IFT172: variants seen among roughly 807,000 people sequenced by gnomAD.
IFT172 encodes intraflagellar transport protein 172 homolog.
In IFT172, 164 loss-of-function variants were observed where a neutral mutation model predicts 248.9. The observed-to-expected ratio is 0.66, with a 90% CI of 0.58 to 0.75. The LOEUF (loss-of-function observed/expected upper bound fraction) is 0.75. Among genes scored for constraint, IFT172 ranks in the 30% least tolerant of loss-of-function variants. IFT172 has a pLI of 0.00. For missense variants in IFT172, 1,950 were observed against 2,192.4 expected (o/e 0.89, Z 2.21); for synonymous variants, 729 against 791.6 (o/e 0.92, Z 1.33).
In IFT172 at chr2:27,461,479, G is replaced by A. The variant is rs893514362; in HGVS notation, c.2232C>T (p.Tyr744=). 6.2e-6 allele frequency: 10 copies of A among 1,614,086 alleles called. No homozygotes were observed. The highest frequency in any genetic ancestry group is 8.5e-6 in the Non-Finnish European group (10 of 1,179,984). The change falls in exon 22 of 48, where the codon TAC becomes TAT. Residue 744 remains tyrosine, a synonymous_variant. Coordinates refer to ENST00000260570, the MANE Select transcript of IFT172 (RefSeq NM_015662.3). ...PALEKLRRSY[Y]QWLMDTQQEE... is the part of the protein sequence containing the mutation. ...CTTGCTGTGTGTCCATCAGCCACTG[G>A]TAGTAACTACGACGTAGCTTCTCCA...
In IFT172 at chr2:27,477,133, T is replaced by C. The variant is rs866987972; in HGVS notation, c.1325+84A>G. On this transcript the variant is annotated intron_variant, in intron 13 of 47. Coordinates refer to ENST00000260570, the MANE Select transcript of IFT172 (RefSeq NM_015662.3). ...AGCCACCACACCTGGCTGAAGCTTT[T>C]GGATTAACTGGAGGACACAGAATTT... 17 of 1,245,388 alleles carry C rather than the reference T, an allele frequency of 1.4e-5. No homozygotes were observed. In the African/African-American group the frequency reaches 2.4e-4, roughly 17 times the overall value. The allele number at this position is 1,245,388 out of a possible 1,614,324, so 77.1% of individuals were successfully genotyped here. A position where few individuals can be genotyped will look rare whatever the true frequency, so the allele number is the denominator to read the frequency against.
chr2:27,487,741 C>T (rs908669641), intron 1 of IFT172, among the ~76,000 whole-genome samples: 4 of 151,734 alleles, frequency 2.6e-5, no homozygotes, highest in South Asian at 4.2e-4. Context: ...TACAGGCATG[C>T]GCCACCACAT....
intron 47 of IFT172, 72 bp downstream of exon 47, chr2:27,444,942 C>T: frequency 1.8e-5 from 27 of 1,539,136 alleles, no homozygotes; most frequent in Non-Finnish European, 2.3e-5. Context: ...AGCCACTGCA[C>T]CCAGACTTGT....
chr2:27,487,949 G>C (rs149464974), intron 1 of IFT172, among the ~76,000 whole-genome samples: 1 of 151,108 alleles, frequency 6.6e-6, no homozygotes, highest in African/African-American at 2.4e-5. Context: ...TCTTTATTAA[G>C]GTACCCCAGT....
At chr2:27,481,406 C>T (rs1412878999) in intron 7 of IFT172, 146 bp from the exon 8 acceptor site, 1 of 628,186 alleles carries the variant, frequency 1.6e-6, no homozygotes, top group African/African-American at 1.8e-5. Flanking sequence ...CATCCTAATC[C>T]TGAACTCTTC....
At chr2:27,479,739 GA>G (rs1357626035) in intron 9 of IFT172, 135 bp from the exon 10 acceptor site, 1 of 730,354 alleles carries the variant, frequency 1.4e-6, no homozygotes, top group Non-Finnish European at 2.3e-6. Context: ...GCAGTTTTTG[GA>G]ATTACCAAAA....
Position 27,445,938 on chromosome 2 carries a change from G to T in IFT172, c.4806C>A (p.Asp1602Glu). Residue 1602 changes from aspartate to glutamate, a missense_variant, in exon 44 of 48, where the codon GAC becomes GAA. Physicochemically the swap from Asp to Glu is conservative, Grantham distance 45. This residue lies in a region of IFT172 where 620 missense variants were observed against 699.0 expected (regional missense o/e 0.89). Coordinates refer to ENST00000260570, the MANE Select transcript of IFT172 (RefSeq NM_015662.3). This position sits in a 1 kb window ranked among gnomAD's most constrained non-coding sequence, Gnocchi z 4.4. ...CAGCTTCCCTACTCACATCGGTCAGGTCCAAAAAGCGATTGAGGAAGATGA... is the reference window on the plus strand; with the variant it reads ...CAGCTTCCCTACTCACATCGGTCAGTTCCAAAAAGCGATTGAGGAAGATGA... ...MAFIFLNRFL[D>E]LTDAIEEGTL... 6.2e-7 allele frequency: 1 copy of T among 1,614,220 alleles called. No individual in the cohort carries two copies. Among genetic ancestry groups the T allele is most frequent in the Non-Finnish European group, 8.5e-7 (1 of 1,180,048 alleles).
Position 27,465,450 on chromosome 2 carries a change from T to C in IFT172, c.1898A>G (p.Lys633Arg). Residue 633 changes from lysine to arginine, a missense_variant, in exon 18 of 48, where the codon AAA becomes AGA. Transcript: ENST00000260570. ...TAGTTGCCTTGCCTCTAGTGCCAGTTTACTCAAGGTTTTCCACATTGCCTC... is the reference window on the plus strand; with the variant it reads ...TAGTTGCCTTGCCTCTAGTGCCAGTCTACTCAAGGTTTTCCACATTGCCTC... ...ETEAMWKTLSKLALEARQLHI... is the reference protein window; with the variant it reads ...ETEAMWKTLSRLALEARQLHI... The C allele has an allele frequency of 6.2e-7, 1 of 1,614,170 alleles. No individual in the cohort carries two copies. The highest frequency in any genetic ancestry group is 8.5e-7 in the Non-Finnish European group (1 of 1,180,030).
chr2:27,461,593 T>G, intron 21 of IFT172, 76 bp from the exon 22 acceptor site: 1 of 1,560,016 alleles, frequency 6.4e-7, no homozygotes, highest in Non-Finnish European at 8.8e-7. Flanking sequence ...CTCCAATCCC[T>G]CTATAACAAG....
rs1436642986 is a variant in IFT172 at position 27,458,111 on chromosome 2, G to A, written c.2975+15C>T. 6.2e-7 allele frequency: 1 copy of A among 1,613,214 alleles called. No homozygotes were observed. Among genetic ancestry groups the A allele is most frequent in the Non-Finnish European group, 8.5e-7 (1 of 1,179,366 alleles). On this transcript the variant is annotated intron_variant, in intron 27 of 47. Transcript: ENST00000260570. The stretch of plus-strand genomic sequence containing the variant: ...TCTCATCTCCCTCTACACCTCCTCT[G>A]GGGCCACGGCTCACCTTTCAGCCTC...
chr2:27,459,985 G>A (rs1666522938), intron 23 of IFT172, among the ~76,000 whole-genome samples, 156 bp from the exon 24 acceptor site: 1 of 152,160 alleles, frequency 6.6e-6, no homozygotes, highest in South Asian at 2.1e-4. Context: ...GAGGTGTGGG[G>A]AAAAGCAAGA....
chr2:27,457,982 G>A lies in IFT172; in HGVS notation c.2976-6C>T, dbSNP rs1666303569. 2 of 1,614,056 alleles carry A rather than the reference G, an allele frequency of 1.2e-6. No individual in the cohort carries two copies. Among genetic ancestry groups the A allele is most frequent in the Non-Finnish European group, 1.7e-6 (2 of 1,180,040 alleles). On this transcript the variant is annotated splice_polypyrimidine_tract_variant and splice_region_variant and intron_variant, in intron 27 of 47. Transcript: ENST00000260570. ...CTTGTACTGTCACATATAGCCTGGG[G>A]AAGGAGATACATCTGGGGCCTCCTA...
In IFT172 at chr2:27,459,893, G is replaced by A. The variant is rs1572758006; in HGVS notation, c.2522-64C>T. ...GGGATGGGCCTCAGGAAAAAGGTAGGACAGGGAGATGAAGCATGGAGAATA... is the reference window on the plus strand; with the variant it reads ...GGGATGGGCCTCAGGAAAAAGGTAGAACAGGGAGATGAAGCATGGAGAATA... On this transcript the variant is annotated intron_variant, in intron 23 of 47. Transcript: ENST00000260570. 18 of 1,593,168 alleles carry A rather than the reference G, an allele frequency of 1.1e-5. No individual in the cohort carries two copies. In the South Asian group the frequency reaches 2.0e-4, roughly 18 times the overall value.
At position 27,485,431 on chromosome 2, in the gene IFT172, G is replaced by C. The variant is rs139021548; in HGVS notation, c.112C>G (p.Arg38Gly). 6 of 1,614,076 alleles carry C rather than the reference G, an allele frequency of 3.7e-6. No individual in the cohort carries two copies. The highest frequency in any genetic ancestry group is 3.3e-5 in the Admixed American group (2 of 60,014). Reference sequence around the variant, plus strand: ...TGTTCATCATACAGCAAGACCACTCGGTCCACTGTGCAGACAGCAAATTTG... The same window carrying C: ...TGTTCATCATACAGCAAGACCACTCCGTCCACTGTGCAGACAGCAAATTTG... Reference protein sequence around the residue: ...NAKFAVCTVDRVVLLYDEHGE... With the variant: ...NAKFAVCTVDGVVLLYDEHGE... Residue 38 changes from arginine (R) to glycine (G), a missense_variant, in exon 2 of 48, where the codon CGA becomes GGA. Arg to Gly is a moderately radical substitution (Grantham distance 125). This residue lies in a region of IFT172 where 1,166 missense variants were observed against 1,254.1 expected (regional missense o/e 0.93). Transcript: ENST00000260570.
chr2:27,457,549 T>C, intron 29 of IFT172, 90 bp downstream of exon 29: 1 of 1,147,444 alleles, frequency 8.7e-7, no homozygotes, highest in East Asian at 2.3e-5. Flanking sequence ...CACTCCAGCC[T>C]GGGTGACAGA....
At chr2:27,464,791 T>C (rs1002561397) in intron 18 of IFT172, among the ~76,000 whole-genome samples, 2 of 152,110 alleles carry the variant, frequency 1.3e-5, no homozygotes, top group African/African-American at 4.8e-5. Flanking sequence ...CTAATTTTTG[T>C]ATTTTTAGTA....
Position 27,453,687 on chromosome 2 carries a change from C to A in IFT172, c.3764G>T (p.Ser1255Ile), listed in dbSNP as rs750866849. 1.2e-6 allele frequency: 2 copies of A among 1,612,310 alleles called. No individual in the cohort carries two copies. Among genetic ancestry groups the A allele is most frequent in the Admixed American group, 1.7e-5 (1 of 59,292 alleles). The change falls in exon 34 of 48, where the codon AGC (serine) becomes ATC (isoleucine). Residue 1255 changes from serine to isoleucine, a missense_variant. Coordinates refer to ENST00000260570, the MANE Select transcript of IFT172 (RefSeq NM_015662.3). ...TTCTTCCTGCAGAGCCTCCAGCTGG[C>A]TGGGCACATAGTCCTTGCAGATGCG... ...ALRICKDYVP[S>I]QLEALQEEYE...
Position 27,477,995 on chromosome 2 carries a change from C to T in IFT172, c.1167G>A (p.Glu389=). 6.2e-7 allele frequency: 1 copy of T among 1,614,050 alleles called. No homozygotes were observed. Among genetic ancestry groups the T allele is most frequent in the South Asian group, 1.1e-5 (1 of 91,074 alleles). Residue 389 remains glutamate (E), a splice_region_variant and synonymous_variant, in exon 11 of 48, where the codon GAG becomes GAA. Coordinates refer to ENST00000260570, the MANE Select transcript of IFT172 (RefSeq NM_015662.3). ...CCCTACCCTCAATTTTGGTTCCTAC[C>T]TCACTAAGCCGATTAGTGTTCAGGT... is the stretch of plus-strand genomic sequence containing the variant. The part of the protein sequence containing the change: ...LGDLNTNRLS[E]IAWQGSGGNE...
At position 27,449,033 on chromosome 2, in the gene IFT172, T is replaced by C; in HGVS notation, c.4312-2A>G. On this transcript the variant is annotated splice_acceptor_variant, in intron 39 of 47. Coordinates refer to ENST00000260570, the MANE Select transcript of IFT172 (RefSeq NM_015662.3). LOFTEE classifies it high-confidence loss of function. Reference sequence around the variant, plus strand: ...ATACTTGTGCAGAATCTTGTAGTTCTGTACAGGGGTGGAGGAAAAGCATGA... The same window carrying C: ...ATACTTGTGCAGAATCTTGTAGTTCCGTACAGGGGTGGAGGAAAAGCATGA... 3.3e-6 allele frequency: 5 copies of C among 1,522,202 alleles called. No homozygotes were observed. The highest frequency in any genetic ancestry group is 4.6e-6 in the Non-Finnish European group (5 of 1,096,276). The allele number at this position is 1,522,202 out of a possible 1,614,324, so 94.3% of individuals were successfully genotyped here.
Sources: allele counts gnomAD v4.1 joint callset (sites outside exome capture counted in the v4.1 genomes callset), GRCh38; gene constraint gnomAD v4.1.1; regional missense constraint gnomAD v4.1.1; non-coding constraint Gnocchi (gnomAD v3.1); transcripts MANE v1.5; gene names NCBI Gene and HGNC (gene_info 2026-07-23, HGNC 2026-07-21).